PRDM9: variants seen among roughly 807,000 people sequenced by gnomAD.
PRDM9 encodes the protein PR/SET domain 9.
PRDM9 carries 47 observed loss-of-function variants against 55.6 expected under a neutral mutation model. That is an observed-to-expected ratio of 0.85 (90% CI 0.67 to 1.08). PRDM9 has a LOEUF of 1.08. PRDM9 is among the 50% of genes least tolerant of loss of function. The pLI is 0.00. For synonymous variants in PRDM9, 312 were observed against 375.7 expected, an observed-to-expected ratio of 0.83 and a Z score of 1.96; for missense variants, 867 against 1,040.3, an observed-to-expected ratio of 0.83 and a Z score of 2.29.
intron 4 of PRDM9, among the ~76,000 whole-genome samples, chr5:23,513,124 C>A (rs541010921): frequency 6.6e-6 from 1 of 152,152 alleles, no homozygotes; most frequent in Non-Finnish European, 1.5e-5. Context: ...GTTTTTAATT[C>A]TTTTTAATAT....
chr5:23,511,748 A>C (rs1489409425), intron 4 of PRDM9, among the ~76,000 whole-genome samples: 1 of 152,238 alleles, frequency 6.6e-6, no homozygotes, highest in African/African-American at 2.4e-5. Context: ...TGCCAAATTC[A>C]GAACATTTAT....
In PRDM9 at chr5:23,526,540, G is replaced by A; in HGVS notation, c.1452G>A (p.Met484Ile). ...RAFSSPPKGQMGSCRVGKRIM... is the reference protein window; with the variant it reads ...RAFSSPPKGQIGSCRVGKRIM... The stretch of plus-strand genomic sequence containing the variant: ...TTTCTAGCCCACCCAAAGGACAAAT[G>A]GGGAGCTGTAGAGTGGGAAAAAGAA... Residue 484 changes from methionine to isoleucine, a missense_variant, in exon 11 of 11, where the codon ATG (methionine) becomes ATA (isoleucine). Physicochemically the swap from Met to Ile is conservative, Grantham distance 10 (BLOSUM62 1). This residue lies in a region of PRDM9 where 662 missense variants were observed against 711.9 expected (regional missense o/e 0.93). Coordinates refer to ENST00000296682, the MANE Select transcript of PRDM9 (RefSeq NM_020227.4). The A allele has an allele frequency of 6.2e-7, 1 of 1,614,142 alleles. No homozygotes were observed. The highest frequency in any genetic ancestry group is 8.5e-7 in the Non-Finnish European group (1 of 1,180,020).
At position 23,522,729 on chromosome 5, in the gene PRDM9, G is replaced by T. The variant is rs781671884; in HGVS notation, c.726G>T (p.Leu242=). Residue 242 remains leucine (L), a synonymous_variant, in exon 8 of 11, where the codon CTG becomes CTT. Coordinates refer to ENST00000296682, the MANE Select transcript of PRDM9 (RefSeq NM_020227.4). ...KGHPNRSALS[L]PPGLRIGPSG... is the part of the protein sequence containing the mutation. ...ACCCCAACCGTTCAGCCCTCAGTCT[G>T]CCCCCAGGGCTGAGAATTGGGCCAT... The T allele has an allele frequency of 5.0e-6, 8 of 1,614,196 alleles. No individual in the cohort carries two copies. Among genetic ancestry groups the T allele is most frequent in the Non-Finnish European group, 6.8e-6 (8 of 1,180,046 alleles).
In PRDM9 at chr5:23,524,414, G is replaced by A; in HGVS notation, c.1031G>A (p.Cys344Tyr). 1 of 1,614,006 alleles carries A rather than the reference G, an allele frequency of 6.2e-7. No homozygotes were observed. The highest frequency in any genetic ancestry group is 1.1e-5 in the South Asian group (1 of 91,074). The change falls in exon 10 of 11, where the codon TGC becomes TAC. Residue 344 changes from cysteine to tyrosine, a missense_variant. Cys to Tyr is a radical substitution (Grantham distance 194, BLOSUM62 -2). Transcript: ENST00000296682. ...QYHRQIFYRTCRVIRPGCELL... is the reference protein window; with the variant it reads ...QYHRQIFYRTYRVIRPGCELL... ...CACAGGCAGATCTTCTATAGAACCTGCCGAGTCATTAGGCCAGGCTGTGAA... is the reference window on the plus strand; with the variant it reads ...CACAGGCAGATCTTCTATAGAACCTACCGAGTCATTAGGCCAGGCTGTGAA...
intron 5 of PRDM9, 89 bp from the exon 6 acceptor site, chr5:23,520,934 C>G (rs1739314749): frequency 4.1e-6 from 6 of 1,448,154 alleles, no homozygotes; most frequent in Middle Eastern, 1.7e-4. Flanking sequence ...TGAACATTAA[C>G]TAGAGTCATG....
chr5:23,525,857 G>A (rs1739418846), intron 10 of PRDM9, among the ~76,000 whole-genome samples: 1 of 152,146 alleles, frequency 6.6e-6, no homozygotes, highest in Non-Finnish European at 1.5e-5. Flanking sequence ...AGTGCCCAGG[G>A]ACCAGGGAGG....
Position 23,527,519 on chromosome 5 carries a change from C to A in PRDM9, c.2431C>A (p.Arg811=), listed in dbSNP as rs775272924. The part of the protein sequence containing the change: ...EKPYVCRECG[R]GFSNKSHLLR... ...GCCCTATGTCTGCAGGGAGTGTGGG[C>A]GGGGCTTTAGCAATAAGTCACACCT... The change falls in exon 11 of 11, where the codon CGG becomes AGG. Residue 811 remains arginine (R), a synonymous_variant. Transcript: ENST00000296682. 5 of 1,543,654 alleles carry A rather than the reference C, an allele frequency of 3.2e-6. No individual in the cohort carries two copies. Among genetic ancestry groups the A allele is most frequent in the Non-Finnish European group, 4.3e-6 (5 of 1,150,366 alleles).
intron 4 of PRDM9, among the ~76,000 whole-genome samples, chr5:23,511,050 GGAGGCT>G (rs201411080): frequency 0.055 from 8,320 of 151,596 alleles, 294 homozygotes; most frequent in Non-Finnish European, 0.073. Flanking sequence ...CAGCTACTCA[GGAGGCT>G]GAGGCTGGGG....
rs764507046 is a variant in PRDM9 at position 23,527,656 on chromosome 5, G to A, written c.2568G>A (p.Gly856=). The A allele has an allele frequency of 5.3e-6, 8 of 1,519,630 alleles. No individual in the cohort carries two copies. The allele number at this position is 1,519,630 out of a possible 1,614,324, so 94.1% of individuals were successfully genotyped here. A position where few individuals can be genotyped will look rare whatever the true frequency, so the allele number is the denominator to read the frequency against. The change falls in exon 11 of 11, where the codon GGG becomes GGA. Residue 856 remains glycine (G), a synonymous_variant. Transcript: ENST00000296682. ...TCAGACACCAGAGGACACACACAGG[G>A]GAGAAGCCCTACGTCTGCAGGGAGT... ...HLLRHQRTHT[G]EKPYVCRECG...
intron 10 of PRDM9, among the ~76,000 whole-genome samples, chr5:23,525,300 C>T (rs921259840): frequency 1.3e-5 from 2 of 152,198 alleles, no homozygotes; most frequent in African/African-American, 4.8e-5. Flanking sequence ...GGGTCATCCC[C>T]TCAGAGCTGC....
chr5:23,516,783 G>A (rs113636161), intron 4 of PRDM9, among the ~76,000 whole-genome samples: 4,866 of 144,908 alleles, frequency 0.034, 284 homozygotes, highest in African/African-American at 0.12. Context: ...GCAGTGGCAC[G>A]ATCTCGGTTC....
intron 6 of PRDM9, 70 bp from the exon 7 acceptor site, chr5:23,522,234 C>T (rs1227222649): frequency 1.5e-6 from 2 of 1,317,274 alleles, no homozygotes; most frequent in Non-Finnish European, 1.1e-6. Context: ...GTAGATTTCA[C>T]ATTTTCTTAT....
chr5:23,517,828 T>C, intron 4 of PRDM9, 53 bp from the exon 5 acceptor site: 1 of 1,426,884 alleles, frequency 7.0e-7, no homozygotes, highest in South Asian at 1.1e-5. Flanking sequence ...AGAGAATCTC[T>C]AGTGTTTGGA....
intron 5 of PRDM9, among the ~76,000 whole-genome samples, chr5:23,519,032 AAT>A (rs1229588068): frequency 1.3e-5 from 2 of 152,138 alleles, no homozygotes; most frequent in African/African-American, 2.4e-5. Flanking sequence ...ACTATGAGAT[AAT>A]TTTCATTTGT....
Position 23,522,421 on chromosome 5 carries a change from G to T in PRDM9, c.610+16G>T, listed in dbSNP as rs777215776. 4.1e-5 allele frequency: 66 copies of T among 1,605,278 alleles called. No homozygotes were observed. The highest frequency in any genetic ancestry group is 1.1e-4 in the South Asian group (10 of 90,882). On this transcript the variant is annotated intron_variant, in intron 7 of 10. Transcript: ENST00000296682. ...GATTACCTCTGTAAGTGACACTTTT[G>T]GCCACTCACACAGCTTGCTGTTATG... is the stretch of plus-strand genomic sequence containing the variant.
intron 10 of PRDM9, among the ~76,000 whole-genome samples, chr5:23,525,012 T>C (rs2126432320): frequency 6.6e-6 from 1 of 152,320 alleles, no homozygotes; most frequent in Non-Finnish European, 1.5e-5. Flanking sequence ...GACATGTGAA[T>C]TAGGGAACCA....
chr5:23,517,621 A>G (rs1739239704), intron 4 of PRDM9, among the ~76,000 whole-genome samples: 1 of 152,058 alleles, frequency 6.6e-6, no homozygotes, highest in Non-Finnish European at 1.5e-5. Context: ...CCCTATCTCT[A>G]CTAAAAATAC....
chr5:23,519,145 C>T (rs1739277294), intron 5 of PRDM9, among the ~76,000 whole-genome samples: 1 of 152,082 alleles, frequency 6.6e-6, no homozygotes, highest in East Asian at 1.9e-4. Flanking sequence ...CTGCAGCCTC[C>T]ATCTCCTAGA....
At chr5:23,517,721 A>C (rs1739242184) in intron 4 of PRDM9, among the ~76,000 whole-genome samples, 160 bp from the exon 5 acceptor site, 2 of 152,160 alleles carry the variant, frequency 1.3e-5, no homozygotes, top group Non-Finnish European at 2.9e-5. Flanking sequence ...CGGGAGAGGG[A>C]GGTTGCAGTG....
Sources: gnomAD v4.1 joint callset for allele counts (sites outside exome capture counted in the v4.1 genomes callset) on GRCh38, gnomAD v4.1.1 for gene constraint, gnomAD v4.1.1 regional missense constraint, MANE v1.5 for transcripts, NCBI Gene and HGNC (gene_info 2026-07-23, HGNC 2026-07-21) for gene names.